PPL: variants seen among roughly 807,000 people sequenced by gnomAD.
The protein encoded by PPL is periplakin.
In PPL, 198 loss-of-function variants were observed where a neutral mutation model predicts 194.4. The observed-to-expected ratio is 1.02, with a 90% CI of 0.91 to 1.15. PPL has a LOEUF of 1.15. Ranked by LOEUF, PPL falls within the 50% of genes most tolerant of loss-of-function variation. The pLI is 0.00. For synonymous variants in PPL, 1,220 were observed against 972.4 expected, an observed-to-expected ratio of 1.25 and a Z score of -4.74; for missense variants, 2,885 against 2,294.8, an observed-to-expected ratio of 1.26 and a Z score of -5.25.
intron 20 of PPL, 39 bp from the exon 21 acceptor site, chr16:4,887,266 G>C (rs753586084): frequency 3.4e-6 from 5 of 1,455,836 alleles, no homozygotes; most frequent in Non-Finnish European, 3.9e-6. Context: ...CAACAAACAG[G>C]TGTCAACAGG....
chr16:4,895,297 G>A lies in PPL; in HGVS notation c.1206C>T (p.Ile402=). 1 of 1,612,592 alleles carries A rather than the reference G, an allele frequency of 6.2e-7. No homozygotes were observed. Among genetic ancestry groups the A allele is most frequent in the Non-Finnish European group, 8.5e-7 (1 of 1,179,524 alleles). Residue 402 remains isoleucine (I), a synonymous_variant, in exon 11 of 22, where the codon ATC becomes ATT. Coordinates refer to ENST00000345988, the MANE Select transcript of PPL (RefSeq NM_002705.5). ...KYRRETPLKP[I]PVEALCDFEG... is the part of the protein sequence containing the mutation. Reference sequence around the variant, plus strand: ...CAAAGTCACAGAGTGCCTCCACGGGGATGGGCTTGAGCGGAGTCTCCCGGC... The same window carrying A: ...CAAAGTCACAGAGTGCCTCCACGGGAATGGGCTTGAGCGGAGTCTCCCGGC...
chr16:4,933,607 G>T (rs1017973808), intron 1 of PPL, among the ~76,000 whole-genome samples: 1 of 152,178 alleles, frequency 6.6e-6, no homozygotes, highest in African/African-American at 2.4e-5. Context: ...AAGTATGTGA[G>T]TGGCCAGGGT....
At chr16:4,898,915 C>T (rs1026680321) in intron 8 of PPL, 98 bp downstream of exon 8, 8 of 908,520 alleles carry the variant, frequency 8.8e-6, no homozygotes, top group Admixed American at 7.8e-5. Context: ...CTTGCAGGAC[C>T]CCCAGCTCCG....
chr16:4,885,891 T>G lies in PPL; in HGVS notation c.2764A>C (p.Thr922Pro). The stretch of plus-strand genomic sequence containing the variant: ...TCCTGAGGCCCCTGATTCCTCAAGG[T>G]CCAGATTTCTTCCTGGGTGCTCTTG... Reference protein sequence around the residue: ...EVKSTQEEIWTLRNQGPQESV... With the variant: ...EVKSTQEEIWPLRNQGPQESV... Residue 922 changes from threonine to proline, a missense_variant, in exon 22 of 22, where the codon ACC becomes CCC. Coordinates refer to ENST00000345988, the MANE Select transcript of PPL (RefSeq NM_002705.5). The surrounding 1 kb of genome is among the most constrained non-coding windows in gnomAD (Gnocchi z 6.3). 4 of 1,610,396 alleles carry G rather than the reference T, an allele frequency of 2.5e-6. No homozygotes were observed. In the South Asian group the frequency reaches 3.3e-5, roughly 13 times the overall value.
chr16:4,902,877 C>T lies in PPL; in HGVS notation c.318-351G>A, dbSNP rs1231910438. Among the ~76,000 whole-genome samples, 2 of 152,128 alleles carry T rather than the reference C, an allele frequency of 1.3e-5. No homozygotes were observed. The highest frequency in any genetic ancestry group is 2.1e-4 in the South Asian group (1 of 4,822). On this transcript the variant is annotated intron_variant, in intron 3 of 21. Coordinates refer to ENST00000345988, the MANE Select transcript of PPL (RefSeq NM_002705.5). This position sits in a 1 kb window ranked among gnomAD's most constrained non-coding sequence, Gnocchi z 4.0. ...GGTAATTTTGTATTTTCAGTAGAGA[C>T]GGGGTTTCACCATGTTGGTCAGGCT...
Position 4,888,146 on chromosome 16 carries a change from T to C in PPL, c.2470A>G (p.Lys824Glu). Reference sequence around the variant, plus strand: ...GCAGGAGATTGGAGCCTGGCTCTCTTGCTCACGTGGCTTCTCCTTCCATTC... The same window carrying C: ...GCAGGAGATTGGAGCCTGGCTCTCTCGCTCACGTGGCTTCTCCTTCCATTC... ...LENGRRSHVS[K>E]RARLQSPATK... Residue 824 changes from lysine to glutamate, a missense_variant, in exon 20 of 22, where the codon AAG becomes GAG. Lys to Glu is a moderately conservative substitution (Grantham distance 56). Transcript: ENST00000345988. 14 of 1,614,066 alleles carry C rather than the reference T, an allele frequency of 8.7e-6. No individual in the cohort carries two copies. The highest frequency in any genetic ancestry group is 1.2e-5 in the Non-Finnish European group (14 of 1,179,892).
At chr16:4,920,192 G>A (rs978980139) in intron 1 of PPL, among the ~76,000 whole-genome samples, 1 of 151,758 alleles carries the variant, frequency 6.6e-6, no homozygotes, top group African/African-American at 2.4e-5. Context: ...GCCGAGGCCG[G>A]GGAATTGCTT....
intron 11 of PPL, among the ~76,000 whole-genome samples, chr16:4,895,001 C>G (rs940174789): frequency 8.5e-5 from 13 of 152,200 alleles, no homozygotes; most frequent in Non-Finnish European, 1.6e-4. Flanking sequence ...ACGTGACTCA[C>G]AGTGAGCCAA....
rs763339475 is a variant in PPL, at chr16:4,890,732, G to A, written c.2158C>T (p.Arg720Cys). 4.2e-5 allele frequency: 68 copies of A among 1,605,486 alleles called. No individual in the cohort carries two copies. In the East Asian group the frequency reaches 7.8e-4, roughly 18 times the overall value. The change falls in exon 17 of 22, where the codon CGC (arginine) becomes TGC (cysteine). Residue 720 changes from arginine (R) to cysteine (C), a missense_variant. Coordinates refer to ENST00000345988, the MANE Select transcript of PPL (RefSeq NM_002705.5). ...CACCACCCACCGCACCCTCACCTGC[G>A]TTCCACCTGCTGGCGCAGGTTGTTG... ...RFNNLRQQVE[R>C]RAQSLQSAKA... is the part of the protein sequence containing the mutation.
In PPL at chr16:4,885,969, T is replaced by C. The variant is rs752716192; in HGVS notation, c.2686A>G (p.Arg896Gly). 12 of 1,613,804 alleles carry C rather than the reference T, an allele frequency of 7.4e-6. No individual in the cohort carries two copies. The highest frequency in any genetic ancestry group is 1.6e-4 in the Middle Eastern group (1 of 6,062). ...TCAGTCTCCTCATCCAGTTCCTTCC[T>C]GATCTTCCACGCCTCCTCCACTCCA... ...DSGVEEAWKI[R>G]KELDEETERR... The change falls in exon 22 of 22, where the codon AGG (arginine) becomes GGG (glycine). Residue 896 changes from arginine (R) to glycine (G), a missense_variant. Physicochemically the swap from Arg to Gly is moderately radical, Grantham distance 125. Coordinates refer to ENST00000345988, the MANE Select transcript of PPL (RefSeq NM_002705.5). The surrounding 1 kb of genome is among the most constrained non-coding windows in gnomAD (Gnocchi z 6.3).
rs371125122 is a variant in PPL, at chr16:4,899,350, G to A, written c.641C>T (p.Ser214Leu). The A allele has an allele frequency of 5.8e-5, 93 of 1,611,176 alleles. No individual in the cohort carries two copies. Among genetic ancestry groups the A allele is most frequent in the Admixed American group, 4.2e-4 (25 of 59,950 alleles). ...GCAGCGCTGCATGTAGTCCTGCAGC[G>A]AACTCAGGTGCTGCTGCCGGGCCTG... is the stretch of plus-strand genomic sequence containing the variant. ...ASQARQQHLSSLQDYMQRCTN... is the reference protein window; with the variant it reads ...ASQARQQHLSLLQDYMQRCTN... Residue 214 changes from serine to leucine, a missense_variant, in exon 7 of 22, where the codon TCG becomes TTG. By Grantham distance (145) the Ser-to-Leu change is moderately radical. Transcript: ENST00000345988.
Position 4,915,926 on chromosome 16 carries a change from G to C in PPL, c.63-4977C>G, listed in dbSNP as rs573573245. Among the ~76,000 whole-genome samples, 43 of 152,218 alleles carry C rather than the reference G, an allele frequency of 2.8e-4. 1 individual carries two copies. Among genetic ancestry groups the C allele is most frequent in the Middle Eastern group, 6.8e-3 (2 of 294 alleles). On this transcript the variant is annotated intron_variant, in intron 1 of 21. Transcript: ENST00000345988. ...TAGGCCCTTAACAATTCCATGTGAC[G>C]ATCTTACAGGGCTCCCAGCACACAG...
rs1268339519 is a variant in PPL at position 4,902,558 on chromosome 16, C to A, written c.318-32G>T. Reference sequence around the variant, plus strand: ...GGAGAGAGGCTCCCACTTAGTGGGGCTGGTTGGCACTGCCTGCACCCCAGG... The same window carrying A: ...GGAGAGAGGCTCCCACTTAGTGGGGATGGTTGGCACTGCCTGCACCCCAGG... On this transcript the variant is annotated intron_variant, in intron 3 of 21. Coordinates refer to ENST00000345988, the MANE Select transcript of PPL (RefSeq NM_002705.5). The surrounding 1 kb of genome is among the most constrained non-coding windows in gnomAD (Gnocchi z 4.0). 1.9e-6 allele frequency: 3 copies of A among 1,604,784 alleles called. No individual in the cohort carries two copies. The highest frequency in any genetic ancestry group is 1.3e-5 in the African/African-American group (1 of 74,766).
At chr16:4,916,759 C>T (rs1405783182) in intron 1 of PPL, among the ~76,000 whole-genome samples, 2 of 152,108 alleles carry the variant, frequency 1.3e-5, no homozygotes, top group East Asian at 3.9e-4. Flanking sequence ...TCTGCCTCGG[C>T]CTCCCAAAAT....
rs145570608 is a variant in PPL, at chr16:4,883,521, C to T, written c.5134G>A (p.Asp1712Asn). The T allele has an allele frequency of 1.5e-5, 25 of 1,614,060 alleles. No individual in the cohort carries two copies. The African/African-American group carries it at 2.4e-4, about 16-fold the overall frequency. ...GAGAACTTCTTGCCAGACTTCCTGTCGTGTATCACTGAGGACTCCCCATTG... is the reference window on the plus strand; with the variant it reads ...GAGAACTTCTTGCCAGACTTCCTGTTGTGTATCACTGAGGACTCCCCATTG... Reference protein sequence around the residue: ...GPNGESSVIHDRKSGKKFSIE... With the variant: ...GPNGESSVIHNRKSGKKFSIE... The change falls in exon 22 of 22, where the codon GAC becomes AAC. Residue 1712 changes from aspartate (D) to asparagine (N), a missense_variant. Asp to Asn is a conservative substitution (Grantham distance 23, BLOSUM62 1). Transcript: ENST00000345988. This position sits in a 1 kb window ranked among gnomAD's most constrained non-coding sequence, Gnocchi z 4.8.
chr16:4,926,880 AAAAAAAAAAAAAC>A (rs1318949127), intron 1 of PPL, among the ~76,000 whole-genome samples: 1 of 137,308 alleles, frequency 7.3e-6, no homozygotes, highest in Non-Finnish European at 1.6e-5. Flanking sequence ...CTCTGTCTCA[AAAAAAAAAAAAAC>A]AAAAAAAAAC....
At chr16:4,889,656 T>C (rs941225484) in intron 18 of PPL, among the ~76,000 whole-genome samples, 22 of 152,200 alleles carry the variant, frequency 1.4e-4, no homozygotes, top group African/African-American at 5.3e-4. Context: ...GACACTGTTC[T>C]GCTGTCTGAC....
chr16:4,912,113 G>A (rs1309938099), intron 1 of PPL, among the ~76,000 whole-genome samples: 1 of 152,192 alleles, frequency 6.6e-6, no homozygotes, highest in Non-Finnish European at 1.5e-5. Context: ...CTGGCTTTTA[G>A]TACTACACAT....
chr16:4,920,765 C>A (rs527347698), intron 1 of PPL, among the ~76,000 whole-genome samples: 1 of 152,190 alleles, frequency 6.6e-6, no homozygotes, highest in African/African-American at 2.4e-5. Context: ...TCGGCCTCAA[C>A]TAATTTTTTA....
Sources: gnomAD v4.1 joint callset for allele counts (sites outside exome capture counted in the v4.1 genomes callset) on GRCh38, gnomAD v4.1.1 for gene constraint, Gnocchi (gnomAD v3.1) non-coding constraint, MANE v1.5 for transcripts, NCBI Gene and HGNC (gene_info 2026-07-23, HGNC 2026-07-21) for gene names.